COL21A1: variants seen among roughly 807,000 people sequenced by gnomAD.
COL21A1 encodes the protein collagen type XXI alpha 1 chain.
Under a neutral mutation model 137.9 loss-of-function variants are expected in COL21A1, and 149 were observed. That is an observed-to-expected ratio of 1.08 (90% CI 0.95 to 1.24). COL21A1 has a LOEUF of 1.24. Ranked by LOEUF, COL21A1 falls within the 50% of genes most tolerant of loss-of-function variation. COL21A1 has a pLI of 0.00. For synonymous variants in COL21A1, 456 were observed against 391.5 expected (o/e 1.16, Z -1.95); for missense variants, 1,167 against 1,158.4 (o/e 1.01, Z -0.11).
At chr6:56,175,462 TC>T (rs1486279627) in intron 3 of COL21A1, among the ~76,000 whole-genome samples, 1 of 151,962 alleles carries the variant, frequency 6.6e-6, no homozygotes, top group Admixed American at 6.6e-5. Flanking sequence ...GAATACAAAT[TC>T]AACATATAAA....
At chr6:56,187,491 G>A (rs2152287166) in intron 1 of COL21A1, among the ~76,000 whole-genome samples, 1 of 152,250 alleles carries the variant, frequency 6.6e-6, no homozygotes, top group East Asian at 1.9e-4. Context: ...CATAAAGATA[G>A]GCATAGAACA....
intron 1 of COL21A1, among the ~76,000 whole-genome samples, chr6:56,209,433 G>GA (rs1457214444): frequency 6.6e-6 from 1 of 151,988 alleles, no homozygotes; most frequent in Admixed American, 6.6e-5. Context: ...GAATTTACAA[G>GA]AAAAAAATAA....
chr6:56,296,768 G>A (rs1418033851), intron 1 of COL21A1, among the ~76,000 whole-genome samples: 1 of 151,908 alleles, frequency 6.6e-6, no homozygotes, highest in African/African-American at 2.4e-5. Flanking sequence ...TTTACATTTT[G>A]TTTCTAGAAA....
chr6:56,197,297 C>T (rs1038646920), intron 1 of COL21A1, among the ~76,000 whole-genome samples: 6 of 151,900 alleles, frequency 3.9e-5, no homozygotes, highest in African/African-American at 2.4e-5. Context: ...ACACTGGTCT[C>T]GGCAATGACT....
At chr6:56,371,871 G>A (rs375525758) in intron 1 of COL21A1, among the ~76,000 whole-genome samples, 40 of 152,210 alleles carry the variant, frequency 2.6e-4, no homozygotes, top group African/African-American at 8.7e-4. Context: ...GAAGATGATC[G>A]GACAAGCAGA....
At chr6:56,168,927 A>AATACTAGG (rs1453846146) in intron 5 of COL21A1, among the ~76,000 whole-genome samples, 1 of 151,928 alleles carries the variant, frequency 6.6e-6, no homozygotes, top group Non-Finnish European at 1.5e-5. Flanking sequence ...CTATAATTCT[A>AATACTAGG]ATACTAGGTA....
At chr6:56,142,877 T>C (rs1385052186) in intron 10 of COL21A1, among the ~76,000 whole-genome samples, 1 of 152,200 alleles carries the variant, frequency 6.6e-6, no homozygotes, top group Non-Finnish European at 1.5e-5. Flanking sequence ...ATCTCATTAA[T>C]GTTTCCAATT....
intron 1 of COL21A1, among the ~76,000 whole-genome samples, chr6:56,358,426 C>T (rs559792240): frequency 7.9e-5 from 12 of 152,174 alleles, no homozygotes; most frequent in African/African-American, 2.2e-4. Context: ...ATTGATTTCA[C>T]GTCTGAATTT....
intron 14 of COL21A1, among the ~76,000 whole-genome samples, chr6:56,125,097 T>C (rs1311391000): frequency 1.4e-5 from 2 of 140,672 alleles, no homozygotes; most frequent in Non-Finnish European, 3.0e-5. Flanking sequence ...CTTGGCTCTC[T>C]GCAACCTCCG....
At position 56,110,290 on chromosome 6, in the gene COL21A1, A is replaced by G. The variant is rs1449769265; in HGVS notation, c.1759-8765T>C. On this transcript the variant is annotated intron_variant, in intron 16 of 29. Transcript: ENST00000244728. ...TTTTTTTTGCAAAATTCAACATCTA[A>G]TCATGATATTTTAAAAGAAAACTCT... Among the ~76,000 whole-genome samples, 11 of 149,284 alleles carry G rather than the reference A, an allele frequency of 7.4e-5. No homozygotes were observed. The East Asian group carries it at 2.2e-3, about 29-fold the overall frequency.
At chr6:56,352,176 T>C (rs1479446557) in intron 1 of COL21A1, among the ~76,000 whole-genome samples, 3 of 150,840 alleles carry the variant, frequency 2.0e-5, no homozygotes, top group Non-Finnish European at 4.4e-5. Context: ...ATGAACAAAA[T>C]ATCACAATTT....
chr6:56,256,430 T>C (rs531024076), intron 1 of COL21A1, among the ~76,000 whole-genome samples: 72 of 152,328 alleles, frequency 4.7e-4, no homozygotes, highest in African/African-American at 1.7e-3. Flanking sequence ...AAAATTTGTT[T>C]TGTGACAGTT....
intron 1 of COL21A1, among the ~76,000 whole-genome samples, chr6:56,392,109 C>T (rs1165191189): frequency 2.6e-5 from 4 of 151,994 alleles, no homozygotes; most frequent in Non-Finnish European, 5.9e-5. Flanking sequence ...AAAATACTAG[C>T]AAACAAAATT....
Position 56,069,094 on chromosome 6 carries a change from G to T in COL21A1, c.2043C>A (p.Ser681=). 1 of 1,598,558 alleles carries T rather than the reference G, an allele frequency of 6.3e-7. No individual in the cohort carries two copies. The highest frequency in any genetic ancestry group is 8.5e-7 in the Non-Finnish European group (1 of 1,172,420). The part of the protein sequence containing the change: ...GLKGEPGATG[S]PGEPGYMGLP... ...AACCCATGTATCCTGGTTCTCCTGGGGAACCCGTTGCTCCTGGTTCTCCCT... is the reference window on the plus strand; with the variant it reads ...AACCCATGTATCCTGGTTCTCCTGGTGAACCCGTTGCTCCTGGTTCTCCCT... The change falls in exon 22 of 30, where the codon TCC becomes TCA. Residue 681 remains serine, a synonymous_variant. Coordinates refer to ENST00000244728, the MANE Select transcript of COL21A1 (RefSeq NM_030820.4).
At chr6:56,282,083 G>C (rs1763799240) in intron 1 of COL21A1, among the ~76,000 whole-genome samples, 1 of 152,248 alleles carries the variant, frequency 6.6e-6, no homozygotes, top group Admixed American at 6.5e-5. Context: ...AAAAGCACTG[G>C]TGCCTTCAAA....
intron 1 of COL21A1, among the ~76,000 whole-genome samples, chr6:56,198,375 A>G (rs564438261): frequency 1.3e-5 from 2 of 152,222 alleles, no homozygotes; most frequent in African/African-American, 2.4e-5. Flanking sequence ...CTTACCACAG[A>G]AAAAAATGAT....
intron 1 of COL21A1, among the ~76,000 whole-genome samples, chr6:56,352,415 G>C (rs1765728940): frequency 6.6e-6 from 1 of 151,998 alleles, no homozygotes; most frequent in South Asian, 2.1e-4. Context: ...CAGGTACCAA[G>C]TATCAAAAAG....
chr6:56,243,589 A>ATTCTT (rs1214738357), intron 1 of COL21A1, among the ~76,000 whole-genome samples: 1 of 152,188 alleles, frequency 6.6e-6, no homozygotes, highest in African/African-American at 2.4e-5. Flanking sequence ...ATAATAGCAA[A>ATTCTT]TTCTTATTAA....
At chr6:56,316,182 C>T (rs4360138) in intron 1 of COL21A1, among the ~76,000 whole-genome samples, 151,020 of 152,322 alleles carry the variant, frequency 0.99, 74,873 homozygotes, top group Middle Eastern at 1. Context: ...TTACTTAATA[C>T]ATGTGTTGCC....
Sources: allele counts gnomAD v4.1 joint callset (sites outside exome capture counted in the v4.1 genomes callset), GRCh38; gene constraint gnomAD v4.1.1; transcripts MANE v1.5; gene names NCBI Gene and HGNC (gene_info 2026-07-23, HGNC 2026-07-21).